The following LOC128092250 variants were observed in gnomAD, a reference collection of about 807,000 sequenced individuals.
chr8:32,647,286 T>G, the LOC128092250 span: 8 of 985,368 alleles, frequency 8.1e-6, no homozygotes, highest in Non-Finnish European at 9.6e-6. Context: ...CCTTCTGCTT[T>G]TACTTCTCCT....
chr8:32,647,339 G>T, the LOC128092250 span: 1 of 985,360 alleles, frequency 1.0e-6, no homozygotes, highest in Non-Finnish European at 1.2e-6. Context: ...ACCAGCTTCA[G>T]ATGCTCGAGG....
chr8:32,647,270 G>A, the LOC128092250 span: 1 of 985,370 alleles, frequency 1.0e-6, no homozygotes, highest in South Asian at 4.7e-5. Flanking sequence ...CACCGCCGCT[G>A]GTCCTCCTTC....
chr8:32,647,251 C>T, the LOC128092250 span: 25 of 985,246 alleles, frequency 2.5e-5, no homozygotes, highest in South Asian at 4.7e-5. Flanking sequence ...CTGCTGCTGC[C>T]GCCGCCGCCA....
chr8:32,647,220 C>A, the LOC128092250 span: 1 of 985,274 alleles, frequency 1.0e-6, no homozygotes, highest in Non-Finnish European at 1.2e-6. Flanking sequence ...GCTATTGTCA[C>A]TACTGCCTCT....
chr8:32,647,233 T>TGCC, the LOC128092250 span: 16 of 985,222 alleles, frequency 1.6e-5, no homozygotes, highest in Non-Finnish European at 1.9e-5. Flanking sequence ...CTGCCTCTCC[T>TGCC]GCCGCCGCTG....
the LOC128092250 span, chr8:32,647,213 A>G: frequency 1.0e-6 from 1 of 985,234 alleles, no homozygotes; most frequent in East Asian, 1.1e-4. Flanking sequence ...TGCTGTTGCT[A>G]TTGTCACTAC....
At chr8:32,647,307 T>G in the LOC128092250 span, 4 of 985,294 alleles carry the variant, frequency 4.1e-6, no homozygotes, top group African/African-American at 7.0e-5. Context: ...GCATGACAGT[T>G]GTTTTCTTCA....
chr8:32,647,290 T>G, the LOC128092250 span: 1 of 985,438 alleles, frequency 1.0e-6, no homozygotes, highest in Non-Finnish European at 1.2e-6. Flanking sequence ...CTGCTTTTAC[T>G]TCTCCTGCAT....
At chr8:32,647,231 C>G in the LOC128092250 span, 2 of 985,348 alleles carry the variant, frequency 2.0e-6, no homozygotes, top group Non-Finnish European at 2.4e-6. Context: ...TACTGCCTCT[C>G]CTGCCGCCGC....
chr8:32,647,240 G>A, the LOC128092250 span: 4 of 985,154 alleles, frequency 4.1e-6, no homozygotes, highest in African/African-American at 5.2e-5. Context: ...TCCTGCCGCC[G>A]CTGCTGCTGC....
the LOC128092250 span, chr8:32,647,210 GC>G: frequency 6.1e-6 from 6 of 985,384 alleles, no homozygotes; most frequent in Non-Finnish European, 7.2e-6. Flanking sequence ...GGATGCTGTT[GC>G]TATTGTCACT....
chr8:32,647,295 C>T, the LOC128092250 span: 1 of 985,416 alleles, frequency 1.0e-6, no homozygotes, highest in Non-Finnish European at 1.2e-6. Flanking sequence ...TTTACTTCTC[C>T]TGCATGACAG....
At chr8:32,647,248 T>TGCCGCC in the LOC128092250 span, 1 of 985,370 alleles carries the variant, frequency 1.0e-6, no homozygotes. Context: ...CCGCTGCTGC[T>TGCCGCC]GCCGCCGCCG....
the LOC128092250 span, chr8:32,647,271 G>A: frequency 3.0e-6 from 3 of 985,352 alleles, no homozygotes; most frequent in Non-Finnish European, 3.6e-6. Flanking sequence ...ACCGCCGCTG[G>A]TCCTCCTTCT....
the LOC128092250 span, chr8:32,647,345 C>T: frequency 2.2e-5 from 22 of 985,326 alleles, no homozygotes; most frequent in Non-Finnish European, 2.7e-5. Context: ...TTCAGATGCT[C>T]GAGGTGAGAA....
At chr8:32,647,260 C>CACCGCCGCT in the LOC128092250 span, 1 of 985,392 alleles carries the variant, frequency 1.0e-6, no homozygotes, top group Non-Finnish European at 1.2e-6. Context: ...CCGCCGCCGC[C>CACCGCCGCT]ACCGCCGCTG....
chr8:32,647,374 G>A, the LOC128092250 span: 1 of 985,168 alleles, frequency 1.0e-6, no homozygotes, highest in South Asian at 4.7e-5. Context: ...TTCAGTTTGG[G>A]CTACTGGTTT....
At chr8:32,647,361 C>G in the LOC128092250 span, 334 of 985,360 alleles carry the variant, frequency 3.4e-4, 1 homozygote, top group Admixed American at 4.3e-4. Context: ...GAGAAACATG[C>G]CTTTCAGTTT....
At chr8:32,647,273 C>G in the LOC128092250 span, 1 of 985,390 alleles carries the variant, frequency 1.0e-6, no homozygotes, top group Non-Finnish European at 1.2e-6. Flanking sequence ...CGCCGCTGGT[C>G]CTCCTTCTGC....
Sources: gnomAD v4.1 joint callset for allele counts on GRCh38, gnomAD v4.1.1 for gene constraint, MANE v1.5 for transcripts.